The following EVC variants were observed in gnomAD, a reference collection of about 807,000 sequenced individuals.
EVC encodes the protein evC complex member EVC.
A neutral mutation model predicts 118.9 loss-of-function variants in EVC; 116 were observed. The ratio of observed to expected loss-of-function variants is 0.98; its 90% CI spans 0.84 to 1.14. EVC has a LOEUF of 1.14. EVC is among the 50% of genes most tolerant of loss of function. The pLI, the probability that EVC is intolerant of heterozygous loss-of-function variation, is 0.00. For synonymous variants in EVC, 619 were observed against 534.7 expected (o/e 1.16, Z -2.18); for missense variants, 1,401 against 1,246.4 (o/e 1.12, Z -1.87).
chr4:5,742,675 G>T lies in EVC; in HGVS notation c.801+861G>T, dbSNP rs541188256. ...CATCATGAGCATCATTTTTATCATTGTTGTAATTATTGGCATTCTCATTAC... is the reference window on the plus strand; with the variant it reads ...CATCATGAGCATCATTTTTATCATTTTTGTAATTATTGGCATTCTCATTAC... On this transcript the variant is annotated intron_variant, in intron 6 of 20. Transcript: ENST00000264956. The surrounding 1 kb of genome is among the most constrained non-coding windows in gnomAD (Gnocchi z 5.2). Among the ~76,000 whole-genome samples, 1 of 151,984 alleles carries T rather than the reference G, an allele frequency of 6.6e-6. No individual in the cohort carries two copies. Among genetic ancestry groups the T allele is most frequent in the Non-Finnish European group, 1.5e-5 (1 of 67,988 alleles).
rs147763560 is a variant in EVC at position 5,789,919 on chromosome 4, G to A, written c.1777-3689G>A. Among the ~76,000 whole-genome samples the A allele has an allele frequency of 4.7e-4, 71 of 152,244 alleles. No homozygotes were observed. Among genetic ancestry groups the A allele is most frequent in the African/African-American group, 1.5e-3 (64 of 41,568 alleles). On this transcript the variant is annotated intron_variant, in intron 12 of 20. Coordinates refer to ENST00000264956, the MANE Select transcript of EVC (RefSeq NM_153717.3). The surrounding 1 kb of genome is among the most constrained non-coding windows in gnomAD (Gnocchi z 4.3). The stretch of plus-strand genomic sequence containing the variant: ...AGACTGGCCAAGCATGGTGGATCAC[G>A]CCTGTAATCCCAGCACCTTGGGAGG...
the EVC span, chr4:5,821,716 T>TGATTCCCAGAATCCTTCAGGCTAGCTCC: frequency 4.6e-6 from 7 of 1,533,478 alleles, no homozygotes; most frequent in Non-Finnish European, 6.2e-6. This position sits in a 1 kb window ranked among gnomAD's most constrained non-coding sequence, Gnocchi z 4.4. Flanking sequence ...GGGATGGACA[T>TGATTCCCAGAATCCTTCAGGCTAGCTCC]GATTCCCAGA....
chr4:5,781,262 G>A (rs1469843068), intron 11 of EVC, among the ~76,000 whole-genome samples: 1 of 152,180 alleles, frequency 6.6e-6, no homozygotes, highest in East Asian at 1.9e-4. Context: ...GGGACTGCCA[G>A]CACGTGCTTG....
chr4:5,786,367 G>C (rs578196981), intron 12 of EVC, among the ~76,000 whole-genome samples: 1 of 152,290 alleles, frequency 6.6e-6, no homozygotes, highest in South Asian at 2.1e-4. Context: ...ACTATGCTCA[G>C]CTCTGTTTTG....
chr4:5,795,523 G>T (rs1713781850), intron 13 of EVC, among the ~76,000 whole-genome samples: 1 of 152,156 alleles, frequency 6.6e-6, no homozygotes, highest in African/African-American at 2.4e-5. Context: ...GTGGTGGCAG[G>T]TGCCTGTAAT....
In EVC at chr4:5,731,913, C is replaced by T. The variant is rs1403731322; in HGVS notation, c.617+256C>T. 2.6e-5 allele frequency among the ~76,000 whole-genome samples: 4 copies of T among 152,170 alleles called. No homozygotes were observed. Among genetic ancestry groups the T allele is most frequent in the Admixed American group, 6.5e-5 (1 of 15,280 alleles). ...CAGGGAGGCCTCATTTAATCACTGG[C>T]GTGCTCCCAGCTACTGGCGAAGTTG... is the stretch of plus-strand genomic sequence containing the variant. On this transcript the variant is annotated intron_variant, in intron 4 of 20. Transcript: ENST00000264956. This position sits in a 1 kb window ranked among gnomAD's most constrained non-coding sequence, Gnocchi z 5.6.
At chr4:5,766,917 C>T (rs1460590828) in intron 11 of EVC, among the ~76,000 whole-genome samples, 2 of 152,054 alleles carry the variant, frequency 1.3e-5, no homozygotes, top group African/African-American at 4.8e-5. Context: ...AGTCATTCTC[C>T]ATCCAGCTTT....
rs990585987 is a variant in EVC at position 5,757,576 on chromosome 4, C to A, written c.1563+1214C>A. Reference sequence around the variant, plus strand: ...AGGATTGACTTCTGGTGAGGCCTCTCTTCCGGGCTTGCAGACAGCTGCCTT... The same window carrying A: ...AGGATTGACTTCTGGTGAGGCCTCTATTCCGGGCTTGCAGACAGCTGCCTT... On this transcript the variant is annotated intron_variant, in intron 11 of 20. Coordinates refer to ENST00000264956, the MANE Select transcript of EVC (RefSeq NM_153717.3). Among the ~76,000 whole-genome samples the A allele has an allele frequency of 3.9e-5, 6 of 152,356 alleles. No individual in the cohort carries two copies. In the South Asian group the frequency reaches 1.0e-3, roughly 26 times the overall value.
At chr4:5,780,468 G>A (rs1174101347) in intron 11 of EVC, among the ~76,000 whole-genome samples, 1 of 152,036 alleles carries the variant, frequency 6.6e-6, no homozygotes, top group African/African-American at 2.4e-5. Flanking sequence ...TTTGTAAAAT[G>A]ATAATAATTA....
In EVC at chr4:5,798,477, T is replaced by C; in HGVS notation, c.2098-109T>C. ...CCTCTTTCTGCCCTTTCTCCATCCCTTTTCCAACCCCTGGGCCCTGGATAG... is the reference window on the plus strand; with the variant it reads ...CCTCTTTCTGCCCTTTCTCCATCCCCTTTCCAACCCCTGGGCCCTGGATAG... On this transcript the variant is annotated intron_variant, in intron 14 of 20. Coordinates refer to ENST00000264956, the MANE Select transcript of EVC (RefSeq NM_153717.3). The surrounding 1 kb of genome is among the most constrained non-coding windows in gnomAD (Gnocchi z 4.1). 8.5e-7 allele frequency: 1 copy of C among 1,176,398 alleles called. No individual in the cohort carries two copies. The highest frequency in any genetic ancestry group is 1.2e-6 in the Non-Finnish European group (1 of 810,116). The allele number at this position is 1,176,398 out of a possible 1,614,324, so 72.9% of individuals were successfully genotyped here.
intron 1 of EVC, among the ~76,000 whole-genome samples, chr4:5,716,883 C>T (rs137868171): frequency 4.4e-4 from 67 of 152,228 alleles, no homozygotes; most frequent in African/African-American, 1.5e-3. Context: ...ATACCTTACA[C>T]GAAACCTCTT....
chr4:5,826,813 C>G, the EVC span: 1 of 152,656 alleles, frequency 6.6e-6, no homozygotes, highest in East Asian at 1.9e-4. Flanking sequence ...GGTGATAGCA[C>G]CCTGACCCCC....
chr4:5,797,262 C>G lies in EVC; in HGVS notation c.2097+30C>G. On this transcript the variant is annotated intron_variant, in intron 14 of 20. Transcript: ENST00000264956. ...GACCAGCATGGTGGCCCCACCCATT[C>G]CAGACAGGCGGTGCCCCTGCAGCAG... is the stretch of plus-strand genomic sequence containing the variant. 5.8e-6 allele frequency: 9 copies of G among 1,552,844 alleles called. No homozygotes were observed. The East Asian group carries it at 1.4e-4, about 24-fold the overall frequency.
chr4:5,773,866 ATG>A (rs1734343281), intron 11 of EVC, among the ~76,000 whole-genome samples: 1 of 152,114 alleles, frequency 6.6e-6, no homozygotes, highest in African/African-American at 2.4e-5. Flanking sequence ...AAGTCATTAA[ATG>A]TGCATCTTCA....
chr4:5,799,317 A>G (rs556185485), intron 15 of EVC, among the ~76,000 whole-genome samples: 5 of 152,346 alleles, frequency 3.3e-5, no homozygotes, highest in African/African-American at 7.2e-5. Flanking sequence ...GATAAAAATG[A>G]TAACAGTGAG....
chr4:5,768,011 T>C (rs1733232189), intron 11 of EVC, among the ~76,000 whole-genome samples: 1 of 151,822 alleles, frequency 6.6e-6, no homozygotes, highest in South Asian at 2.1e-4. Context: ...ATTCATTCGT[T>C]CATTCATTCA....
At chr4:5,740,074 TAAC>T (rs1281199529) in intron 5 of EVC, among the ~76,000 whole-genome samples, 1 of 152,118 alleles carries the variant, frequency 6.6e-6, no homozygotes, top group Non-Finnish European at 1.5e-5. Context: ...CCATAAACAA[TAAC>T]AACGACAAAA....
Position 5,742,228 on chromosome 4 carries a change from T to C in EVC, c.801+414T>C, listed in dbSNP as rs1577397387. 6.6e-6 allele frequency among the ~76,000 whole-genome samples: 1 copy of C among 152,176 alleles called. No homozygotes were observed. Among genetic ancestry groups the C allele is most frequent in the South Asian group, 2.1e-4 (1 of 4,820 alleles). On this transcript the variant is annotated intron_variant, in intron 6 of 20. Coordinates refer to ENST00000264956, the MANE Select transcript of EVC (RefSeq NM_153717.3). The surrounding 1 kb of genome is among the most constrained non-coding windows in gnomAD (Gnocchi z 5.2). ...GGGCTTGGAGTCAGACTGGTTGAGGTTGGTATCCTGGCTTTATCTTTTACA... is the reference window on the plus strand; with the variant it reads ...GGGCTTGGAGTCAGACTGGTTGAGGCTGGTATCCTGGCTTTATCTTTTACA...
chr4:5,733,522 C>T (rs904342572), intron 5 of EVC, 87 bp downstream of exon 5: 71 of 1,146,736 alleles, frequency 6.2e-5, no homozygotes, highest in Non-Finnish European at 8.3e-5. Context: ...CCCAGAGACC[C>T]TTGAGAGGCA....
Sources: allele counts gnomAD v4.1 joint callset (sites outside exome capture counted in the v4.1 genomes callset), GRCh38; gene constraint gnomAD v4.1.1; non-coding constraint Gnocchi (gnomAD v3.1); transcripts MANE v1.5; gene names NCBI Gene and HGNC (gene_info 2026-07-23, HGNC 2026-07-21).